ASXL1: variants seen among roughly 807,000 people sequenced by gnomAD.
ASXL1 encodes the protein polycomb group protein ASXL1.
Under a neutral mutation model 89.1 loss-of-function variants are expected in ASXL1, and 65 were observed. That is an observed-to-expected ratio of 0.73 (90% CI 0.60 to 0.90). ASXL1 has a LOEUF of 0.90. Among genes scored for constraint, ASXL1 ranks in the 40% least tolerant of loss-of-function variants. The pLI is 0.00. For missense variants in ASXL1, 1,786 were observed against 1,942.9 expected (o/e 0.92, Z 1.52); for synonymous variants, 739 against 746.9 (o/e 0.99, Z 0.17).
intron 4 of ASXL1, among the ~76,000 whole-genome samples, chr20:32,382,608 C>CAAAA (rs11347237): frequency 4.2e-5 from 4 of 95,948 alleles, no homozygotes; most frequent in Admixed American, 1.0e-4. Context: ...CTCGTCTCTA[C>CAAAA]AAAAAAAAAA....
At chr20:32,432,751 C>T (rs1302239771) in intron 10 of ASXL1, 129 bp from the exon 11 acceptor site, 6 of 1,171,970 alleles carry the variant, frequency 5.1e-6, no homozygotes, top group Non-Finnish European at 7.3e-6. Flanking sequence ...AGCTCTGTCC[C>T]TATAAGAGCA....
At chr20:32,359,471 C>T in intron 1 of ASXL1, 2 of 686,412 alleles carry the variant, frequency 2.9e-6, no homozygotes, top group Non-Finnish European at 5.3e-6. Flanking sequence ...CCTGCTGAGC[C>T]TCAGGGTCTG....
chr20:32,390,965 A>G (rs1459649907), intron 4 of ASXL1, among the ~76,000 whole-genome samples: 4 of 151,996 alleles, frequency 2.6e-5, no homozygotes, highest in African/African-American at 9.7e-5. Flanking sequence ...GCACGATCAT[A>G]GTTCACTGCA....
chr20:32,425,134 A>G (rs1265228735), intron 4 of ASXL1, among the ~76,000 whole-genome samples: 1 of 152,230 alleles, frequency 6.6e-6, no homozygotes, highest in African/African-American at 2.4e-5. Flanking sequence ...ATTATTTTGT[A>G]TCTGGCTTTC....
At position 32,429,130 on chromosome 20, in the gene ASXL1, C is replaced by G. The variant is rs2011437121; in HGVS notation, c.472-208C>G. 1 of 599,118 alleles carries G rather than the reference C, an allele frequency of 1.7e-6. No homozygotes were observed. The highest frequency in any genetic ancestry group is 3.0e-6 in the Non-Finnish European group (1 of 333,634). The allele number at this position is 599,118 out of a possible 1,614,324, so 37.1% of individuals were successfully genotyped here. A position where few individuals can be genotyped will look rare whatever the true frequency, so the allele number is the denominator to read the frequency against. ...TACCTGTAAAATGGGGATAACAGTACATTTTTGTAGCTTGGAATGATGCTT... is the reference window on the plus strand; with the variant it reads ...TACCTGTAAAATGGGGATAACAGTAGATTTTTGTAGCTTGGAATGATGCTT... On this transcript the variant is annotated intron_variant, in intron 6 of 12. Transcript: ENST00000375687. The surrounding 1 kb of genome is among the most constrained non-coding windows in gnomAD (Gnocchi z 4.9).
At position 32,433,570 on chromosome 20, in the gene ASXL1, C is replaced by T. The variant is rs2123260696; in HGVS notation, c.1372C>T (p.Pro458Ser). The T allele has an allele frequency of 6.2e-7, 1 of 1,614,158 alleles. No individual in the cohort carries two copies. The highest frequency in any genetic ancestry group is 1.1e-5 in the South Asian group (1 of 91,088). Residue 458 changes from proline to serine, a missense_variant, in exon 12 of 13, where the codon CCA becomes TCA. Transcript: ENST00000375687. Reference protein sequence around the residue: ...LYKDGEAKTDPAGLSSPHLPG... With the variant: ...LYKDGEAKTDSAGLSSPHLPG... ...CAAGGATGGGGAGGCTAAGACTGAC[C>T]CAGCAGGGCTGAGCAGTCCCCATCT...
At chr20:32,406,376 C>T (rs1245214577) in intron 4 of ASXL1, among the ~76,000 whole-genome samples, 1 of 151,776 alleles carries the variant, frequency 6.6e-6, no homozygotes, top group Non-Finnish European at 1.5e-5. Flanking sequence ...GTCAAAACCC[C>T]ATCTATATGG....
chr20:32,433,981 T>TTATTC, intron 12 of ASXL1, 64 bp downstream of exon 12: 1 of 1,593,684 alleles, frequency 6.3e-7, no homozygotes, highest in Non-Finnish European at 8.6e-7. Context: ...CATGAGATTA[T>TTATTC]AGAGCCCTTA....
At position 32,432,788 on chromosome 20, in the gene ASXL1, C is replaced by A. The variant is rs146443603; in HGVS notation, c.980-92C>A. The A allele has an allele frequency of 8.1e-5, 117 of 1,446,946 alleles. No individual in the cohort carries two copies. The African/African-American group carries it at 1.4e-3, about 18-fold the overall frequency. The allele number at this position is 1,446,946 out of a possible 1,614,324, so 89.6% of individuals were successfully genotyped here. A position where few individuals can be genotyped will look rare whatever the true frequency, so the allele number is the denominator to read the frequency against. ...GATGTGAGAGAGCCTTTAGAAGAGA[C>A]GTGTTGTTTTAAAACTGGGAGATTC... is the stretch of plus-strand genomic sequence containing the variant. On this transcript the variant is annotated intron_variant, in intron 10 of 12. Coordinates refer to ENST00000375687, the MANE Select transcript of ASXL1 (RefSeq NM_015338.6).
chr20:32,386,617 C>T (rs2048583098), intron 4 of ASXL1, among the ~76,000 whole-genome samples: 1 of 151,930 alleles, frequency 6.6e-6, no homozygotes. Context: ...GGGGTTTCGC[C>T]ATGTTGACCA....
intron 4 of ASXL1, among the ~76,000 whole-genome samples, chr20:32,380,811 C>A (rs1368773803): frequency 6.6e-6 from 1 of 152,166 alleles, no homozygotes; most frequent in East Asian, 1.9e-4. Context: ...AAAAGAATGA[C>A]TGGAGTAAGC....
chr20:32,380,564 C>T (rs2048469902), intron 4 of ASXL1, among the ~76,000 whole-genome samples: 1 of 152,050 alleles, frequency 6.6e-6, no homozygotes. Flanking sequence ...CCAGCCTGGG[C>T]AACATAGCGA....
chr20:32,423,891 C>T (rs2011204309), intron 4 of ASXL1, among the ~76,000 whole-genome samples: 1 of 152,288 alleles, frequency 6.6e-6, no homozygotes, highest in African/African-American at 2.4e-5. Context: ...AGACCAAGAC[C>T]CTGTCTGTAC....
chr20:32,416,470 G>A (rs905920992), intron 4 of ASXL1, among the ~76,000 whole-genome samples: 2 of 152,090 alleles, frequency 1.3e-5, no homozygotes, highest in East Asian at 1.9e-4. Context: ...TTAATTTAAC[G>A]TGCATCCTCC....
intron 4 of ASXL1, among the ~76,000 whole-genome samples, chr20:32,389,007 AT>A (rs1259900065): frequency 6.9e-6 from 1 of 145,762 alleles, no homozygotes; most frequent in Non-Finnish European, 1.6e-5. Context: ...ACTCTATTTT[AT>A]TTATTTATTT....
intron 4 of ASXL1, among the ~76,000 whole-genome samples, chr20:32,420,858 A>AT: frequency 6.6e-6 from 1 of 152,338 alleles, no homozygotes. Flanking sequence ...GAATATGGCC[A>AT]ATAAGCACAT....
chr20:32,378,499 C>CA (rs2048427394), intron 4 of ASXL1, among the ~76,000 whole-genome samples: 1 of 152,170 alleles, frequency 6.6e-6, no homozygotes, highest in Non-Finnish European at 1.5e-5. Flanking sequence ...GTGCTTGGAG[C>CA]TAGTCCTCAG....
chr20:32,412,678 CTCCCAAG>C (rs1369888796), intron 4 of ASXL1, among the ~76,000 whole-genome samples: 3 of 150,634 alleles, frequency 2.0e-5, no homozygotes, highest in Admixed American at 1.3e-4. Context: ...TCACGTCAGC[CTCCCAAG>C]TAGCTGGGAC....
chr20:32,397,597 A>G (rs1182258146), intron 4 of ASXL1, among the ~76,000 whole-genome samples: 1 of 151,520 alleles, frequency 6.6e-6, no homozygotes, highest in Non-Finnish European at 1.5e-5. Flanking sequence ...GGCAGGTTTC[A>G]CCATATTGGC....
Sources: gnomAD v4.1 joint callset for allele counts (sites outside exome capture counted in the v4.1 genomes callset) on GRCh38, gnomAD v4.1.1 for gene constraint, Gnocchi (gnomAD v3.1) non-coding constraint, MANE v1.5 for transcripts, NCBI Gene and HGNC (gene_info 2026-07-23, HGNC 2026-07-21) for gene names.